Variants in PPP1R9A observed in about 807,000 individuals in gnomAD.
PPP1R9A encodes the protein protein phosphatase 1 regulatory subunit 9A, also known as neurabin-1.
Under a neutral mutation model 141.9 loss-of-function variants are expected in PPP1R9A, and 59 were observed. The ratio of observed to expected loss-of-function variants is 0.42; its 90% CI spans 0.34 to 0.52. The LOEUF is 0.52. Ranked by LOEUF, PPP1R9A falls within the 20% of genes least tolerant of loss-of-function variation. PPP1R9A has a pLI of 0.10. For synonymous variants in PPP1R9A, 500 were observed against 569.7 expected (o/e 0.88, Z 1.74); for missense variants, 1,444 against 1,611.9 (o/e 0.90, Z 1.78).
At chr7:94,921,339 C>T (rs879568967) in intron 2 of PPP1R9A, among the ~76,000 whole-genome samples, 6 of 151,120 alleles carry the variant, frequency 4.0e-5, no homozygotes, top group Admixed American at 4.0e-4. Flanking sequence ...CCCAGCTACT[C>T]GGGAGGCTGA....
chr7:94,963,090 G>A (rs1344577475), intron 2 of PPP1R9A, among the ~76,000 whole-genome samples: 1 of 151,876 alleles, frequency 6.6e-6, no homozygotes, highest in Non-Finnish European at 1.5e-5. Context: ...CAGGCATTTG[G>A]GTTTATGAAA....
At chr7:95,227,161 T>C (rs2152955380) in intron 8 of PPP1R9A, among the ~76,000 whole-genome samples, 1 of 152,316 alleles carries the variant, frequency 6.6e-6, no homozygotes, top group Non-Finnish European at 1.5e-5. Flanking sequence ...ATATAAGTTA[T>C]CAAGAAAAGT....
chr7:94,984,570 G>T (rs1004264976), intron 2 of PPP1R9A, among the ~76,000 whole-genome samples: 1 of 152,264 alleles, frequency 6.6e-6, no homozygotes, highest in South Asian at 2.1e-4. Context: ...GAGGGTGTAT[G>T]TGTCCAGGAA....
chr7:94,979,175 G>C (rs1166033704), intron 2 of PPP1R9A, among the ~76,000 whole-genome samples: 3 of 152,204 alleles, frequency 2.0e-5, no homozygotes, highest in Non-Finnish European at 2.9e-5. Flanking sequence ...TCTGAAGGGA[G>C]AGACAGTTGG....
chr7:95,193,501 T>C (rs557726568), intron 5 of PPP1R9A, among the ~76,000 whole-genome samples: 18 of 152,168 alleles, frequency 1.2e-4, no homozygotes, highest in Middle Eastern at 3.4e-3. Flanking sequence ...AATGCAACTT[T>C]CTTATGCAGT....
chr7:95,292,278 G>A lies in PPP1R9A; in HGVS notation c.*1975G>A, dbSNP rs1806475819. ...CACTATTAATGAGTGATACAATTTG[G>A]CAAAACTTTTCAAATACTAAAACAC... On this transcript the variant is annotated 3_prime_UTR_variant, in exon 20 of 20. Coordinates refer to ENST00000433360, the MANE Select transcript of PPP1R9A (RefSeq NM_001166160.2). 6.6e-6 allele frequency: 1 copy of A among 152,432 alleles called. No individual in the cohort carries two copies. Among genetic ancestry groups the A allele is most frequent in the African/African-American group, 2.4e-5 (1 of 41,386 alleles). 9.4% of individuals were successfully genotyped at this position (152,432 alleles called of 1,614,324 possible).
chr7:95,126,906 G>A (rs571427166), intron 4 of PPP1R9A, among the ~76,000 whole-genome samples: 17 of 152,082 alleles, frequency 1.1e-4, no homozygotes, highest in South Asian at 2.1e-4. Context: ...ATGTTCTAGG[G>A]AGTTGTAGGA....
intron 2 of PPP1R9A, among the ~76,000 whole-genome samples, chr7:95,025,817 T>C (rs34205269): frequency 0.11 from 14,730 of 130,382 alleles, 785 homozygotes; most frequent in Admixed American, 0.17. Flanking sequence ...TTTATTTCAT[T>C]AAGTTGATCT....
At chr7:94,943,265 G>GATATT in intron 2 of PPP1R9A, among the ~76,000 whole-genome samples, 1 of 152,140 alleles carries the variant, frequency 6.6e-6, no homozygotes, top group South Asian at 2.1e-4. Flanking sequence ...CCCCAGAGGG[G>GATATT]TATAGCTTTC....
chr7:95,189,699 G>C (rs189898153), intron 5 of PPP1R9A, among the ~76,000 whole-genome samples: 1 of 151,954 alleles, frequency 6.6e-6, no homozygotes, highest in African/African-American at 2.4e-5. Context: ...GCCTCCCAAA[G>C]TGCTGGGATT....
In PPP1R9A at chr7:95,159,939, A is replaced by AGAAAG. The variant is rs71127403; in HGVS notation, c.1650-1928_1650-1927insGAAAG. 7.8e-5 allele frequency among the ~76,000 whole-genome samples: 11 copies of AGAAAG among 141,646 alleles called. No individual in the cohort carries two copies. The South Asian group carries it at 1.6e-3, about 21-fold the overall frequency. 92.9% of individuals were successfully genotyped at this position (141,646 alleles called of 152,430 possible). Reference sequence around the variant, plus strand: ...AGACATTGTCTCAAAAAAAAAAAAAAAAAGAAAGAAAGAAAGAAAAAATGT... The same window carrying AGAAAG: ...AGACATTGTCTCAAAAAAAAAAAAAAGAAAGAAAGAAAGAAAGAAAGAAAAAATGT... On this transcript the variant is annotated intron_variant, in intron 4 of 19. Transcript: ENST00000433360.
chr7:95,250,224 G>A lies in PPP1R9A; in HGVS notation c.2365G>A (p.Ala789Thr). The A allele has an allele frequency of 6.2e-7, 1 of 1,610,072 alleles. No homozygotes were observed. The highest frequency in any genetic ancestry group is 2.2e-5 in the East Asian group (1 of 44,802). ...YQALEKKYNK[A>T]KKLIKDFQQK... is the part of the protein sequence containing the mutation. ...GGCCTTGGAAAAGAAATACAACAAGGCAAAGAAGTTGATCAAGGATTTTCA... is the reference window on the plus strand; with the variant it reads ...GGCCTTGGAAAAGAAATACAACAAGACAAAGAAGTTGATCAAGGATTTTCA... The change falls in exon 10 of 20, where the codon GCA becomes ACA. Residue 789 changes from alanine (A) to threonine (T), a missense_variant. By Grantham distance (58) the Ala-to-Thr change is moderately conservative. Around this residue, in one of 5 missense-constraint regions of PPP1R9A, gnomAD observed 488 missense variants for 542.0 expected, o/e 0.90. Transcript: ENST00000433360.
At chr7:95,007,807 C>T (rs1306278802) in intron 2 of PPP1R9A, among the ~76,000 whole-genome samples, 2 of 152,250 alleles carry the variant, frequency 1.3e-5, no homozygotes, top group South Asian at 4.1e-4. Flanking sequence ...CGTGGTGGCT[C>T]ACGCCTGTAA....
intron 2 of PPP1R9A, among the ~76,000 whole-genome samples, chr7:95,097,919 G>A (rs1818256918): frequency 6.6e-6 from 1 of 152,180 alleles, no homozygotes; most frequent in Non-Finnish European, 1.5e-5. Context: ...GTCTGGCTAT[G>A]AAGGTCTGAA....
intron 2 of PPP1R9A, among the ~76,000 whole-genome samples, chr7:95,038,478 C>G (rs1483032846): frequency 6.6e-6 from 1 of 152,150 alleles, no homozygotes; most frequent in Non-Finnish European, 1.5e-5. Context: ...ATGATTCCCT[C>G]ATGGCCCTGG....
At chr7:95,006,998 G>T (rs1563110794) in intron 2 of PPP1R9A, among the ~76,000 whole-genome samples, 1 of 152,060 alleles carries the variant, frequency 6.6e-6, no homozygotes, top group Non-Finnish European at 1.5e-5. Context: ...AAGTAGCTAG[G>T]ACTACAGGAG....
chr7:95,284,047 C>T lies in PPP1R9A; in HGVS notation c.3326C>T (p.Thr1109Ile). Residue 1109 changes from threonine to isoleucine, a missense_variant, in exon 17 of 20, where the codon ACA (threonine) becomes ATA (isoleucine). Transcript: ENST00000433360. ...RIFRGRLENW[T>I]PKPCSTAQTS... ...TTCAGAGGCAGACTGGAAAACTGGA[C>T]ACCCAAGCCATGTTCAACAGCTCAG... 1 of 1,596,416 alleles carries T rather than the reference C, an allele frequency of 6.3e-7. No individual in the cohort carries two copies. Among genetic ancestry groups the T allele is most frequent in the South Asian group, 1.1e-5 (1 of 90,610 alleles).
At chr7:95,280,351 T>G (rs1323102272) in intron 16 of PPP1R9A, among the ~76,000 whole-genome samples, 1 of 152,202 alleles carries the variant, frequency 6.6e-6, no homozygotes, top group Non-Finnish European at 1.5e-5. Context: ...TTAATGATAT[T>G]TTGATGACAT....
intron 7 of PPP1R9A, among the ~76,000 whole-genome samples, chr7:95,218,273 C>A (rs1015260989): frequency 6.6e-6 from 1 of 152,072 alleles, no homozygotes; most frequent in Non-Finnish European, 1.5e-5. Context: ...TGTAGTTGAG[C>A]GATTTTGAGT....
Sources: gnomAD v4.1 joint callset for allele counts (sites outside exome capture counted in the v4.1 genomes callset) on GRCh38, gnomAD v4.1.1 for gene constraint, gnomAD v4.1.1 regional missense constraint, MANE v1.5 for transcripts, NCBI Gene and HGNC (gene_info 2026-07-23, HGNC 2026-07-21) for gene names.